Variants in TAFA2 observed in about 807,000 individuals in gnomAD.
TAFA2 encodes the protein TAFA chemokine like family member 2, also known as chemokine-like protein TAFA-2.
In TAFA2, 7 loss-of-function variants were observed where a neutral mutation model predicts 18.8. The ratio of observed to expected loss-of-function variants is 0.37; its 90% CI spans 0.21 to 0.70. The LOEUF (loss-of-function observed/expected upper bound fraction) is 0.70, where lower values mean the gene tolerates loss of function less well. Among genes scored for constraint, TAFA2 ranks in the 30% least tolerant of loss-of-function variants. The probability of loss-of-function intolerance (pLI) is 0.53; values close to 1 mark genes in which losing one functional copy is unlikely to be tolerated. For missense variants in TAFA2, 122 were observed against 158.1 expected (o/e 0.77, Z 1.23); for synonymous variants, 60 against 54.2 (o/e 1.11, Z -0.47).
chr12:61,891,065 T>C (rs1217263004), intron 1 of TAFA2, among the ~76,000 whole-genome samples: 1 of 152,162 alleles, frequency 6.6e-6, no homozygotes, highest in African/African-American at 2.4e-5. Flanking sequence ...GAGCTATAAA[T>C]AAAGTAATTA....
At chr12:61,762,611 A>G (rs1306585884) in intron 2 of TAFA2, among the ~76,000 whole-genome samples, 2 of 148,900 alleles carry the variant, frequency 1.3e-5, no homozygotes, top group Non-Finnish European at 3.0e-5. Flanking sequence ...TCTACATTCT[A>G]TAGAAGTTCT....
chr12:61,752,163 C>A (rs1869050470), intron 4 of TAFA2, among the ~76,000 whole-genome samples: 1 of 151,946 alleles, frequency 6.6e-6, no homozygotes, highest in South Asian at 2.1e-4. Flanking sequence ...GAGATAATAA[C>A]ACTATCTTCT....
At chr12:62,211,076 G>A (rs568736834) in intron 1 of TAFA2, among the ~76,000 whole-genome samples, 2 of 152,214 alleles carry the variant, frequency 1.3e-5, no homozygotes, top group African/African-American at 4.8e-5. Context: ...TTTAGGACTA[G>A]TGTTAGAACA....
intron 1 of TAFA2, among the ~76,000 whole-genome samples, chr12:62,208,191 A>G (rs1265501070): frequency 6.6e-6 from 1 of 152,196 alleles, no homozygotes; most frequent in Admixed American, 6.5e-5. Context: ...AGGCTAGCTT[A>G]TGTGACCAAG....
intron 1 of TAFA2, among the ~76,000 whole-genome samples, chr12:62,088,687 A>G (rs1014142581): frequency 1.3e-5 from 2 of 151,872 alleles, no homozygotes; most frequent in African/African-American, 4.8e-5. Context: ...GCTATATGAG[A>G]ATTCTTCCTT....
chr12:62,072,620 A>G (rs1882661100), intron 1 of TAFA2, among the ~76,000 whole-genome samples: 1 of 152,034 alleles, frequency 6.6e-6, no homozygotes, highest in African/African-American at 2.4e-5. Context: ...ATCTCTACAA[A>G]AAATACAAAA....
intron 1 of TAFA2, among the ~76,000 whole-genome samples, chr12:62,122,097 A>G (rs1870223303): frequency 6.6e-6 from 1 of 152,206 alleles, no homozygotes; most frequent in Non-Finnish European, 1.5e-5. Flanking sequence ...GAGGGAGAGG[A>G]TCAGGAAAAA....
intron 1 of TAFA2, among the ~76,000 whole-genome samples, chr12:61,907,046 G>A (rs768952750): frequency 1.2e-4 from 18 of 152,226 alleles, no homozygotes; most frequent in Admixed American, 3.9e-4. Context: ...AAGGGACGCA[G>A]AGCATAAAAG....
chr12:61,961,310 G>C (rs190373764), intron 1 of TAFA2, among the ~76,000 whole-genome samples: 17 of 151,970 alleles, frequency 1.1e-4, no homozygotes, highest in Admixed American at 2.6e-4. Context: ...TGAGATTTGG[G>C]AAGGGACACA....
intron 1 of TAFA2, among the ~76,000 whole-genome samples, chr12:62,166,906 A>T (rs1043782695): frequency 6.6e-6 from 1 of 152,210 alleles, no homozygotes; most frequent in South Asian, 2.1e-4. Flanking sequence ...TATTCAAATC[A>T]TTTCAGCTAT....
intron 1 of TAFA2, among the ~76,000 whole-genome samples, chr12:62,015,003 T>A (rs924816407): frequency 1.3e-5 from 2 of 152,162 alleles, no homozygotes; most frequent in African/African-American, 4.8e-5. Context: ...AAAACTGTTT[T>A]CCAAAAAAGT....
At chr12:62,240,678 T>G (rs968732108) in intron 1 of TAFA2, among the ~76,000 whole-genome samples, 12 of 152,026 alleles carry the variant, frequency 7.9e-5, no homozygotes, top group African/African-American at 2.9e-4. Context: ...ACCAGAAAAA[T>G]AGCATCCATT....
Position 62,100,138 on chromosome 12 carries a change from TACACACAC to T in TAFA2, c.-2+91113_-2+91120del, listed in dbSNP as rs373455310. Among the ~76,000 whole-genome samples, 8 of 145,756 alleles carry T rather than the reference TACACACAC, an allele frequency of 5.5e-5. 1 individual carries two copies. In the South Asian group the frequency reaches 1.1e-3, roughly 20 times the overall value. On this transcript the variant is annotated intron_variant, in intron 1 of 4. Coordinates refer to ENST00000416284, the MANE Select transcript of TAFA2 (RefSeq NM_178539.5). ...GCCTCTTCATAATAGCAACTCCCTC[TACACACAC>T]ACACACACACACACACACACACACA...
chr12:62,006,208 T>A (rs1880544820), intron 1 of TAFA2, among the ~76,000 whole-genome samples: 1 of 152,192 alleles, frequency 6.6e-6, no homozygotes, highest in Admixed American at 6.5e-5. Context: ...CACATGAGAT[T>A]TGAAAGTTTA....
chr12:61,908,045 G>C (rs903068470), intron 1 of TAFA2, among the ~76,000 whole-genome samples: 1 of 152,168 alleles, frequency 6.6e-6, no homozygotes, highest in African/African-American at 2.4e-5. Flanking sequence ...AGAAGGGACT[G>C]CCTTGTCTCA....
intron 1 of TAFA2, among the ~76,000 whole-genome samples, chr12:62,214,115 C>A (rs1215449269): frequency 3.9e-5 from 6 of 152,042 alleles, no homozygotes; most frequent in African/African-American, 1.4e-4. Flanking sequence ...TGATTTAGCC[C>A]CTTGTTTATT....
chr12:61,719,019 G>T (rs1455279607), intron 4 of TAFA2, among the ~76,000 whole-genome samples: 2 of 152,088 alleles, frequency 1.3e-5, no homozygotes, highest in Non-Finnish European at 2.9e-5. Context: ...GGCTCTTAGG[G>T]ACAACCTTTC....
chr12:62,234,759 T>C, intron 1 of TAFA2: 1 of 1,089,712 alleles, frequency 9.2e-7, no homozygotes, highest in Non-Finnish European at 1.4e-6. Context: ...GGAGTTCTGC[T>C]CTGCTGTCTG....
chr12:62,189,175 A>G (rs1020416685), intron 1 of TAFA2, among the ~76,000 whole-genome samples: 1 of 151,022 alleles, frequency 6.6e-6, no homozygotes, highest in Non-Finnish European at 1.5e-5. Flanking sequence ...GCAAGAAAAG[A>G]ATCAAGATTT....
Sources: allele counts gnomAD v4.1 joint callset (sites outside exome capture counted in the v4.1 genomes callset), GRCh38; gene constraint gnomAD v4.1.1; transcripts MANE v1.5; gene names NCBI Gene and HGNC (gene_info 2026-07-23, HGNC 2026-07-21).